DAB1: variants seen among roughly 807,000 people sequenced by gnomAD.
DAB1 encodes the protein DAB adaptor protein 1.
A neutral mutation model predicts 64.6 loss-of-function variants in DAB1; 15 were observed. The observed-to-expected ratio is 0.23, with a 90% CI of 0.16 to 0.36. The LOEUF (loss-of-function observed/expected upper bound fraction) is 0.36, where lower values mean the gene tolerates loss of function less well. Ranked by LOEUF, DAB1 falls within the 10% of genes least tolerant of loss-of-function variation. The pLI is 1.00. For missense variants in DAB1, 596 were observed against 706.7 expected, an observed-to-expected ratio of 0.84 and a Z score of 1.78; for synonymous variants, 235 against 251.9, an observed-to-expected ratio of 0.93 and a Z score of 0.64.
At chr1:57,576,937 G>T (rs765995485) in intron 7 of DAB1, among the ~76,000 whole-genome samples, 8 of 152,126 alleles carry the variant, frequency 5.3e-5, no homozygotes, top group Non-Finnish European at 8.8e-5. Context: ...ATCTACTGTG[G>T]CTGCTTCCCA....
chr1:57,450,326 G>A (rs1469763453), intron 7 of DAB1, among the ~76,000 whole-genome samples: 4 of 152,160 alleles, frequency 2.6e-5, no homozygotes, highest in Non-Finnish European at 4.4e-5. Flanking sequence ...TCATGGTGAA[G>A]AGAAACTTGG....
At chr1:57,567,646 G>A (rs960074672) in intron 7 of DAB1, among the ~76,000 whole-genome samples, 5 of 152,088 alleles carry the variant, frequency 3.3e-5, no homozygotes, top group African/African-American at 1.2e-4. Flanking sequence ...GACAAACAGA[G>A]AGCCAAATCA....
At chr1:58,101,382 G>A (rs1247786501) in intron 5 of DAB1, among the ~76,000 whole-genome samples, 1 of 152,128 alleles carries the variant, frequency 6.6e-6, no homozygotes, top group East Asian at 1.9e-4. Context: ...GGGGTCAGTT[G>A]CTAGGGGGAT....
intron 4 of DAB1, among the ~76,000 whole-genome samples, chr1:58,205,759 T>C (rs971490098): frequency 6.6e-6 from 1 of 152,184 alleles, no homozygotes; most frequent in African/African-American, 2.4e-5. Context: ...CACTGGTCCA[T>C]GAAAGTAGCC....
At chr1:57,592,411 C>T (rs559596102) in intron 7 of DAB1, among the ~76,000 whole-genome samples, 41 of 151,920 alleles carry the variant, frequency 2.7e-4, no homozygotes, top group South Asian at 1.5e-3. Flanking sequence ...AGGGTGCCCC[C>T]ATTTGAAAAG....
At chr1:57,596,132 G>T (rs143416435) in intron 7 of DAB1, among the ~76,000 whole-genome samples, 30 of 152,236 alleles carry the variant, frequency 2.0e-4, no homozygotes, top group African/African-American at 6.7e-4. Context: ...GGTATCACTG[G>T]GAGGCATAGA....
At chr1:58,433,293 T>G (rs1644899769) in intron 3 of DAB1, among the ~76,000 whole-genome samples, 1 of 151,474 alleles carries the variant, frequency 6.6e-6, no homozygotes, top group African/African-American at 2.4e-5. Flanking sequence ...AAGAGGAAGG[T>G]GGATAGGTTG....
chr1:57,381,593 A>G (rs1350409325), intron 1 of DAB1, among the ~76,000 whole-genome samples: 1 of 152,092 alleles, frequency 6.6e-6, no homozygotes, highest in African/African-American at 2.4e-5. Flanking sequence ...GCCCCGTCAC[A>G]TCCTAACAAA....
intron 2 of DAB1, among the ~76,000 whole-genome samples, chr1:57,224,901 T>C (rs138842394): frequency 3.9e-5 from 6 of 152,266 alleles, no homozygotes; most frequent in Admixed American, 1.3e-4. Flanking sequence ...TTCAGTTCAA[T>C]CATGTGGTCA....
chr1:58,380,449 A>C (rs560772342), intron 3 of DAB1, among the ~76,000 whole-genome samples: 29 of 152,356 alleles, frequency 1.9e-4, no homozygotes, highest in African/African-American at 6.7e-4. Flanking sequence ...TGAATTACCC[A>C]GTCTCAGGCA....
chr1:57,498,278 G>C (rs767685949), intron 7 of DAB1, among the ~76,000 whole-genome samples: 4 of 152,180 alleles, frequency 2.6e-5, no homozygotes, highest in Non-Finnish European at 5.9e-5. Flanking sequence ...CTGTGCATTG[G>C]AGATGCAATC....
rs116726602 is a variant in DAB1, at chr1:58,526,665, T to G, written n.107+596A>C. On this transcript the variant is annotated intron_variant and non_coding_transcript_variant, in intron 2 of 20. Transcript: ENST00000485760. ...AACCTAAATGTCTGTTCGTCTACTG[T>G]TTATTTAAATGGTAGAAAATCAGTT... 4.5e-3 allele frequency among the ~76,000 whole-genome samples: 680 copies of G among 150,808 alleles called. 6 individuals carry two copies. Among genetic ancestry groups the G allele is most frequent in the Non-Finnish European group, 7.5e-3 (511 of 67,798 alleles).
intron 6 of DAB1, among the ~76,000 whole-genome samples, chr1:57,707,021 C>T (rs998044666): frequency 1.3e-5 from 2 of 152,090 alleles, no homozygotes; most frequent in African/African-American, 4.8e-5. Flanking sequence ...TTGCAGTGAG[C>T]CGAGATCATG....
intron 7 of DAB1, among the ~76,000 whole-genome samples, chr1:57,546,089 G>GTT (rs1214089255): frequency 1.3e-5 from 2 of 151,596 alleles, no homozygotes; most frequent in Non-Finnish European, 2.9e-5. Flanking sequence ...GTGTGTGTGT[G>GTT]TGTGTGTGTG....
chr1:58,277,986 T>A (rs1661491623), intron 4 of DAB1, among the ~76,000 whole-genome samples: 2 of 152,252 alleles, frequency 1.3e-5, no homozygotes, highest in South Asian at 4.1e-4. Flanking sequence ...TTGGTTCACA[T>A]TTCTGTGCAT....
chr1:57,200,093 G>A (rs529071539), intron 2 of DAB1, among the ~76,000 whole-genome samples: 11 of 152,172 alleles, frequency 7.2e-5, no homozygotes, highest in African/African-American at 2.7e-4. Flanking sequence ...ATGAATTTAG[G>A]CAGGGAACTT....
rs573601242 is a variant in DAB1, at chr1:58,037,416, T to A, written n.387+113095A>T. Among the ~76,000 whole-genome samples, 8 of 152,276 alleles carry A rather than the reference T, an allele frequency of 5.3e-5. No homozygotes were observed. In the South Asian group the frequency reaches 1.7e-3, roughly 32 times the overall value. ...TACTAGTCTGTGGCCAGTTAGGAAC[T>A]GGGCTGCACAGCAGGAGATGAGTGG... On this transcript the variant is annotated intron_variant and non_coding_transcript_variant, in intron 5 of 20. Transcript: ENST00000485760.
chr1:58,246,888 G>C (rs779116676), intron 4 of DAB1, among the ~76,000 whole-genome samples: 2 of 151,950 alleles, frequency 1.3e-5, no homozygotes, highest in African/African-American at 2.4e-5. Flanking sequence ...GTGGGTGTGA[G>C]GGTAGTGTGT....
chr1:58,126,705 G>C (rs903907936), intron 5 of DAB1, among the ~76,000 whole-genome samples: 50 of 151,034 alleles, frequency 3.3e-4, no homozygotes, highest in Admixed American at 9.2e-4. Context: ...GAGAATATGC[G>C]GTGTTTGGTT....
Sources: allele counts gnomAD v4.1 joint callset (sites outside exome capture counted in the v4.1 genomes callset), GRCh38; gene constraint gnomAD v4.1.1; transcripts MANE v1.5; gene names NCBI Gene and HGNC (gene_info 2026-07-23, HGNC 2026-07-21).